OCA2: variants seen among roughly 807,000 people sequenced by gnomAD.
The protein encoded by OCA2 is OCA2 melanosomal transmembrane protein.
A neutral mutation model predicts 100.2 loss-of-function variants in OCA2; 77 were observed. The observed-to-expected ratio is 0.77, with a 90% CI of 0.64 to 0.93. The LOEUF is 0.93. OCA2 is among the 40% of genes least tolerant of loss of function. OCA2 has a pLI of 0.00. For synonymous variants in OCA2, 432 were observed against 439.2 expected (o/e 0.98, Z 0.21); for missense variants, 1,062 against 1,089.1 (o/e 0.98, Z 0.35).
At chr15:28,028,708 CAG>C (rs1213185110) in intron 3 of OCA2, among the ~76,000 whole-genome samples, 8 of 152,246 alleles carry the variant, frequency 5.3e-5, no homozygotes, top group Non-Finnish European at 1.2e-4. Context: ...TTTTTTGAGA[CAG>C]AGTCTTGCTC....
At chr15:27,745,747 T>A in the OCA2 span, among the ~76,000 whole-genome samples, 2 of 152,316 alleles carry the variant, frequency 1.3e-5, no homozygotes, top group East Asian at 3.9e-4. Flanking sequence ...ATAGGAAACA[T>A]TTGCCATCTA....
At chr15:28,044,556 A>C (rs1566834712) in intron 2 of OCA2, among the ~76,000 whole-genome samples, 1 of 152,236 alleles carries the variant, frequency 6.6e-6, no homozygotes, top group Non-Finnish European at 1.5e-5. Flanking sequence ...TGCTACAGGC[A>C]TCTGAACAAG....
At chr15:28,014,754 G>A in intron 9 of OCA2, 22 bp downstream of exon 9, 1 of 1,609,328 alleles carries the variant, frequency 6.2e-7, no homozygotes, top group African/African-American at 1.3e-5. Context: ...AGACAGATCG[G>A]GGGAGCAGGT....
chr15:27,829,434 T>C (rs1050343461), intron 23 of OCA2, among the ~76,000 whole-genome samples: 3 of 152,170 alleles, frequency 2.0e-5, no homozygotes, highest in Non-Finnish European at 2.9e-5. Flanking sequence ...GACACTTACT[T>C]TCTAGACTTC....
intron 23 of OCA2, among the ~76,000 whole-genome samples, chr15:27,782,555 CTCTTT>C (rs2032598338): frequency 6.6e-6 from 1 of 152,214 alleles, no homozygotes; most frequent in African/African-American, 2.4e-5. Flanking sequence ...TGGCAGTCAT[CTCTTT>C]TATCTAATTG....
chr15:27,862,990 A>G (rs2036192061), intron 21 of OCA2, among the ~76,000 whole-genome samples: 1 of 152,168 alleles, frequency 6.6e-6, no homozygotes, highest in Non-Finnish European at 1.5e-5. Context: ...CATGGTCCTC[A>G]CTGCTTGACC....
At chr15:27,830,306 T>C (rs2034900958) in intron 23 of OCA2, among the ~76,000 whole-genome samples, 1 of 152,166 alleles carries the variant, frequency 6.6e-6, no homozygotes, top group Admixed American at 6.5e-5. Context: ...ATGAAGAGCT[T>C]TGGGAGAGCT....
intron 23 of OCA2, among the ~76,000 whole-genome samples, chr15:27,794,048 G>C (rs1050164479): frequency 1.3e-5 from 2 of 152,224 alleles, no homozygotes; most frequent in African/African-American, 4.8e-5. Context: ...CTCTAGAGAA[G>C]ATCTTTTCTT....
At chr15:27,780,283 A>C (rs1566957723) in intron 23 of OCA2, among the ~76,000 whole-genome samples, 1 of 152,120 alleles carries the variant, frequency 6.6e-6, no homozygotes, top group African/African-American at 2.4e-5. Context: ...CAGGGGAGAA[A>C]GTGGTATGCC....
chr15:27,746,463 A>AAAAT, the OCA2 span, among the ~76,000 whole-genome samples: 567 of 150,384 alleles, frequency 3.8e-3, no homozygotes, highest in Middle Eastern at 0.01. Context: ...TCTGTATTAA[A>AAAAT]AAATAAATAA....
At chr15:27,784,448 G>A (rs937347146) in intron 23 of OCA2, among the ~76,000 whole-genome samples, 2 of 152,076 alleles carry the variant, frequency 1.3e-5, no homozygotes, top group African/African-American at 4.8e-5. Flanking sequence ...ATCTACCTTG[G>A]ATCAAAAATT....
At chr15:27,937,373 G>C (rs2039494107) in intron 18 of OCA2, among the ~76,000 whole-genome samples, 1 of 152,186 alleles carries the variant, frequency 6.6e-6, no homozygotes, top group Non-Finnish European at 1.5e-5. Context: ...CATTTTCAGA[G>C]AGTCTTTTGG....
intron 3 of OCA2, among the ~76,000 whole-genome samples, chr15:28,030,271 G>C (rs1450771538): frequency 6.6e-6 from 1 of 152,162 alleles, no homozygotes; most frequent in Non-Finnish European, 1.5e-5. Flanking sequence ...ACGATGAAGA[G>C]GGGACAGGCT....
chr15:27,799,738 C>T (rs2033510137), intron 23 of OCA2, among the ~76,000 whole-genome samples: 1 of 116,840 alleles, frequency 8.6e-6, no homozygotes, highest in African/African-American at 3.2e-5. Context: ...GAGCAAGACT[C>T]CGTCTAAAAA....
At position 28,043,847 on chromosome 15, in the gene OCA2, G is replaced by A. The variant is rs1044981857; in HGVS notation, c.228-11684C>T. Among the ~76,000 whole-genome samples the A allele has an allele frequency of 2.0e-5, 3 of 152,160 alleles. No homozygotes were observed. The highest frequency in any genetic ancestry group is 2.9e-5 in the Non-Finnish European group (2 of 68,034). On this transcript the variant is annotated intron_variant, in intron 2 of 23. Transcript: ENST00000354638. This position sits in a 1 kb window ranked among gnomAD's most constrained non-coding sequence, Gnocchi z 4.4. ...ACTCCTCCCAAAACAAACCAGATGG[G>A]CTATGCTTTTCAAGGAAGAAAGATA...
chr15:27,960,117 C>G (rs1049517259), intron 15 of OCA2, among the ~76,000 whole-genome samples: 15 of 152,332 alleles, frequency 9.8e-5, no homozygotes, highest in Admixed American at 2.0e-4. Flanking sequence ...GCTGCAAACT[C>G]ATAGCTAAAC....
At chr15:27,799,081 G>A (rs564034654) in intron 23 of OCA2, among the ~76,000 whole-genome samples, 2 of 152,140 alleles carry the variant, frequency 1.3e-5, no homozygotes, top group Admixed American at 6.5e-5. Context: ...TTAAAAACAT[G>A]ATTATTCTCA....
intron 14 of OCA2, among the ~76,000 whole-genome samples, chr15:27,979,359 T>C (rs1456395804): frequency 6.6e-6 from 1 of 152,242 alleles, no homozygotes. Flanking sequence ...TATAGTTGGA[T>C]GGGGCTTGTT....
chr15:28,032,072 C>G lies in OCA2; in HGVS notation c.319G>C (p.Glu107Gln). 1 of 1,611,682 alleles carries G rather than the reference C, an allele frequency of 6.2e-7. No homozygotes were observed. Among genetic ancestry groups the G allele is most frequent in the Non-Finnish European group, 8.5e-7 (1 of 1,177,704 alleles). ...AGGGGGAAAATATCTCACCCTTTCT[C>G]CTGTAAGGAATTCCTCAGCAAAGGA... ...NTPLLRNSLQ[E>Q]KGSRCIPVYH... The change falls in exon 3 of 24, where the codon GAG (glutamate) becomes CAG (glutamine). Residue 107 changes from glutamate (E) to glutamine (Q), a missense_variant. Transcript: ENST00000354638.
Sources: allele counts gnomAD v4.1 joint callset (sites outside exome capture counted in the v4.1 genomes callset), GRCh38; gene constraint gnomAD v4.1.1; non-coding constraint Gnocchi (gnomAD v3.1); transcripts MANE v1.5; gene names NCBI Gene and HGNC (gene_info 2026-07-23, HGNC 2026-07-21).